Variants in ZDHHC21 observed in about 807,000 individuals in gnomAD.
ZDHHC21 encodes palmitoyltransferase ZDHHC21.
A neutral mutation model predicts 34.6 loss-of-function variants in ZDHHC21; 15 were observed. The ratio of observed to expected loss-of-function variants is 0.43; its 90% CI spans 0.29 to 0.67. The LOEUF (loss-of-function observed/expected upper bound fraction) is 0.67. Ranked by LOEUF, ZDHHC21 falls within the 30% of genes least tolerant of loss-of-function variation. ZDHHC21 has a pLI of 0.14. For synonymous variants in ZDHHC21, 142 were observed against 101.8 expected (o/e 1.40, Z -2.38); for missense variants, 344 against 327.7 (o/e 1.05, Z -0.38).
chr9:14,623,827 T>C (rs1461553611), intron 8 of ZDHHC21, among the ~76,000 whole-genome samples: 2 of 152,118 alleles, frequency 1.3e-5, no homozygotes, highest in African/African-American at 2.4e-5. Context: ...CAGGGTATTA[T>C]CAAAAATACA....
intron 7 of ZDHHC21, among the ~76,000 whole-genome samples, chr9:14,651,619 G>A (rs1831259153): frequency 6.6e-6 from 1 of 151,800 alleles, no homozygotes; most frequent in Non-Finnish European, 1.5e-5. Flanking sequence ...AAGAAAACAT[G>A]TTACCAATAA....
intron 7 of ZDHHC21, among the ~76,000 whole-genome samples, chr9:14,645,369 C>T (rs1195063607): frequency 6.6e-6 from 1 of 151,864 alleles, no homozygotes; most frequent in Non-Finnish European, 1.5e-5. Flanking sequence ...ATTATCTTTT[C>T]AATAAATGGT....
chr9:14,643,011 G>T (rs1342481763), intron 7 of ZDHHC21, among the ~76,000 whole-genome samples: 1 of 152,116 alleles, frequency 6.6e-6, no homozygotes, highest in South Asian at 2.1e-4. Flanking sequence ...GGCCAAGGTG[G>T]GTGGATCACC....
intron 2 of ZDHHC21, among the ~76,000 whole-genome samples, chr9:14,685,306 TGACAAAG>T (rs1838124789): frequency 6.6e-6 from 1 of 151,956 alleles, no homozygotes; most frequent in Non-Finnish European, 1.5e-5. Flanking sequence ...TCTACTCATC[TGACAAAG>T]GGCTAATATC....
At chr9:14,634,482 G>A (rs112869862) in intron 8 of ZDHHC21, among the ~76,000 whole-genome samples, 1 of 152,232 alleles carries the variant, frequency 6.6e-6, no homozygotes, top group African/African-American at 2.4e-5. Context: ...CACCACTAAG[G>A]ACTAAGGACA....
chr9:14,684,541 T>G (rs111594268), intron 2 of ZDHHC21, among the ~76,000 whole-genome samples: 2,185 of 150,610 alleles, frequency 0.015, 36 homozygotes, highest in African/African-American at 0.034. Flanking sequence ...CACTGCTCAA[T>G]GAAATAAAAG....
At chr9:14,631,508 AT>A (rs1395504430) in intron 8 of ZDHHC21, among the ~76,000 whole-genome samples, 2 of 152,200 alleles carry the variant, frequency 1.3e-5, no homozygotes, top group Admixed American at 1.3e-4. Context: ...GTGAAGTAGC[AT>A]TTTAAATTTC....
At chr9:14,620,205 G>C (rs938507520) in intron 8 of ZDHHC21, among the ~76,000 whole-genome samples, 9 of 151,924 alleles carry the variant, frequency 5.9e-5, no homozygotes, top group African/African-American at 1.9e-4. Flanking sequence ...ACTGACCAGA[G>C]TTCTTTCTTA....
chr9:14,596,514 G>C, the ZDHHC21 span, among the ~76,000 whole-genome samples: 2 of 152,308 alleles, frequency 1.3e-5, no homozygotes, highest in East Asian at 1.9e-4. Context: ...AGAGCAGTGA[G>C]AGTATTCACT....
intron 8 of ZDHHC21, among the ~76,000 whole-genome samples, chr9:14,636,742 A>G (rs982298063): frequency 7.2e-5 from 11 of 152,172 alleles, no homozygotes; most frequent in East Asian, 1.9e-4. Flanking sequence ...CTAAAAATCA[A>G]TAACAGGAGG....
At position 14,613,628 on chromosome 9, in the gene ZDHHC21, A is replaced by T. The variant is rs771299785; in HGVS notation, c.*5338T>A. On this transcript the variant is annotated 3_prime_UTR_variant, in exon 10 of 10. Transcript: ENST00000380916. The stretch of plus-strand genomic sequence containing the variant: ...CCAAAAAAATCAGTGTTGAACTGTT[A>T]TAAGAACGACATTACATGTTACAGA... The T allele has an allele frequency of 1.1e-4, 17 of 152,002 alleles. No individual in the cohort carries two copies. Among genetic ancestry groups the T allele is most frequent in the Non-Finnish European group, 1.9e-4 (13 of 67,804 alleles). 9.4% of individuals were successfully genotyped at this position (152,002 alleles called of 1,614,324 possible). A position where few individuals can be genotyped will look rare whatever the true frequency, so the allele number is the denominator to read the frequency against.
intron 7 of ZDHHC21, among the ~76,000 whole-genome samples, chr9:14,643,289 G>A (rs1829718994): frequency 6.6e-6 from 1 of 151,796 alleles, no homozygotes; most frequent in African/African-American, 2.4e-5. Flanking sequence ...AAAAGTAACA[G>A]TATCCTCTCA....
chr9:14,602,409 C>T, the ZDHHC21 span, among the ~76,000 whole-genome samples: 10 of 151,852 alleles, frequency 6.6e-5, no homozygotes, highest in Admixed American at 6.6e-4. Flanking sequence ...GCACAGAAAA[C>T]TTATTTAATG....
chr9:14,602,826 G>C, the ZDHHC21 span, among the ~76,000 whole-genome samples: 1 of 150,764 alleles, frequency 6.6e-6, no homozygotes, highest in Non-Finnish European at 1.5e-5. Context: ...GGGAGGCTGA[G>C]GCAGAAGGCC....
At chr9:14,638,828 G>A (rs1043578000) in intron 8 of ZDHHC21, among the ~76,000 whole-genome samples, 3 of 151,864 alleles carry the variant, frequency 2.0e-5, no homozygotes, top group Admixed American at 6.6e-5. Context: ...ATCTTAGAAC[G>A]GCTTTTATTA....
At chr9:14,650,790 T>C (rs1361567780) in intron 7 of ZDHHC21, among the ~76,000 whole-genome samples, 2 of 151,826 alleles carry the variant, frequency 1.3e-5, no homozygotes, top group African/African-American at 4.8e-5. Flanking sequence ...AGCAGAAGAG[T>C]TGGCTAGGCT....
chr9:14,678,367 T>C (rs1004787176), intron 3 of ZDHHC21, among the ~76,000 whole-genome samples: 1 of 151,098 alleles, frequency 6.6e-6, no homozygotes, highest in Non-Finnish European at 1.5e-5. Flanking sequence ...CTGGAAAAAA[T>C]ACTGCAACAC....
intron 8 of ZDHHC21, among the ~76,000 whole-genome samples, chr9:14,634,297 C>A (rs1827881385): frequency 6.6e-6 from 1 of 152,224 alleles, no homozygotes; most frequent in Admixed American, 6.5e-5. Context: ...ATTGCCATTA[C>A]CCACGCCATG....
rs968330603 is a variant in ZDHHC21, at chr9:14,682,318, T to C, written c.-175-2156A>G. ...CCCATCTCACGTGCAGAGACACACA[T>C]AGGCTCAAAATAAAGGGATGGAGGA... On this transcript the variant is annotated intron_variant, in intron 2 of 9. Coordinates refer to ENST00000380916, the MANE Select transcript of ZDHHC21 (RefSeq NM_178566.6). 1.3e-4 allele frequency among the ~76,000 whole-genome samples: 20 copies of C among 152,038 alleles called. No homozygotes were observed. In the South Asian group the frequency reaches 1.7e-3, roughly 13 times the overall value.
Sources: gnomAD v4.1 joint callset for allele counts (sites outside exome capture counted in the v4.1 genomes callset) on GRCh38, gnomAD v4.1.1 for gene constraint, MANE v1.5 for transcripts, NCBI Gene and HGNC (gene_info 2026-07-23, HGNC 2026-07-21) for gene names.